The following CDKL5 variants were observed in gnomAD, a reference collection of about 807,000 sequenced individuals.
CDKL5 encodes cyclin-dependent kinase-like 5.
Under a neutral mutation model 61.7 loss-of-function variants are expected in CDKL5, and 8 were observed. The ratio of observed to expected loss-of-function variants is 0.13; its 90% confidence interval spans 0.08 to 0.23. The LOEUF is 0.23. Ranked by LOEUF, CDKL5 falls within the 10% of genes least tolerant of loss-of-function variation. CDKL5 has a pLI of 1.00. For missense variants in CDKL5, 440 were observed against 734.5 expected, an observed-to-expected ratio of 0.60 and a Z score of 4.63; for synonymous variants, 275 against 272.3, an observed-to-expected ratio of 1.01 and a Z score of -0.10.
At chrX:18,578,317 G>C (rs971000571) in intron 5 of CDKL5, among the ~76,000 whole-genome samples, 1 of 111,724 alleles carries the variant, frequency 9.0e-6, no homozygotes, top group Non-Finnish European at 1.9e-5. Flanking sequence ...TGTTTATATG[G>C]TATTTAATTA....
intron 15 of CDKL5, among the ~76,000 whole-genome samples, chrX:18,617,905 A>C (rs1332081674): frequency 8.9e-6 from 1 of 111,872 alleles, no homozygotes; most frequent in Non-Finnish European, 1.9e-5. Flanking sequence ...TCTTTGGCCC[A>C]TCTTCCCTGT....
At chrX:18,651,773 A>G (rs1404239074) in intron 21 of CDKL5, among the ~76,000 whole-genome samples, 1 of 111,812 alleles carries the variant, frequency 8.9e-6, no homozygotes, top group African/African-American at 3.3e-5. Context: ...AGAAAATGTG[A>G]CATTTCCCAC....
chrX:18,628,773 G>A lies in CDKL5; in HGVS notation c.*16G>A, dbSNP rs1458724571. On this transcript the variant is annotated 3_prime_UTR_variant, in exon 18 of 18. Coordinates refer to ENST00000623535, the MANE Select transcript of CDKL5 (RefSeq NM_001323289.2). ...AGCCTTGTAATTTGTGCTGGTAGGG[G>A]GGAGGGGTGGACAGACAAGCCAGTG... The A allele has an allele frequency of 1.8e-6, 2 of 1,104,553 alleles. No individual in the cohort carries two copies. Among genetic ancestry groups the A allele is most frequent in the African/African-American group, 3.7e-5 (2 of 53,894 alleles). 91.0% of individuals were successfully genotyped at this position (1,104,553 alleles called of 1,213,427 possible).
intron 1 of CDKL5, among the ~76,000 whole-genome samples, chrX:18,449,660 GT>G (rs111785524): frequency 8.9e-6 from 1 of 112,183 alleles, no homozygotes; most frequent in African/African-American, 3.2e-5. Flanking sequence ...TCTCCTTATT[GT>G]TTTTTTGTTG....
chrX:18,474,233 G>A (rs758454939), intron 1 of CDKL5, among the ~76,000 whole-genome samples: 1 of 111,440 alleles, frequency 9.0e-6, no homozygotes, highest in Non-Finnish European at 1.9e-5. Flanking sequence ...TACCTTGATA[G>A]CATTAGTCTA....
intron 14 of CDKL5, among the ~76,000 whole-genome samples, chrX:18,611,226 C>T (rs946156940): frequency 2.7e-5 from 3 of 110,222 alleles, no homozygotes; most frequent in Non-Finnish European, 5.7e-5. Context: ...GTCAGGAAAT[C>T]GAGACCATCC....
intron 1 of CDKL5, among the ~76,000 whole-genome samples, chrX:18,463,567 T>C (rs1347978527): frequency 1.8e-5 from 2 of 112,171 alleles, no homozygotes; most frequent in African/African-American, 6.5e-5. Context: ...GTTTGGAAAT[T>C]GGTGGATTTT....
At chrX:18,425,988 G>C (rs1487279857) in intron 1 of CDKL5, among the ~76,000 whole-genome samples, 2 of 111,627 alleles carry the variant, frequency 1.8e-5, no homozygotes, top group African/African-American at 3.2e-5. Flanking sequence ...GGCGGGTCGA[G>C]CCCGCCCCGC....
intron 15 of CDKL5, among the ~76,000 whole-genome samples, chrX:18,618,655 A>G (rs955822224): frequency 2.7e-5 from 3 of 112,471 alleles, no homozygotes; most frequent in Non-Finnish European, 5.6e-5. Context: ...TGTTTTTCGC[A>G]ACAATACAAC....
chrX:18,643,858 C>T (rs1927671024), downstream of CDKL5, among the ~76,000 whole-genome samples: 1 of 109,785 alleles, frequency 9.1e-6, no homozygotes, highest in African/African-American at 3.3e-5. Flanking sequence ...AGTCAGGAGT[C>T]TACTGCGTTT....
intron 20 of CDKL5, chrX:18,650,093 ATC>A (rs1927966006): frequency 5.9e-6 from 2 of 339,036 alleles, no homozygotes; most frequent in Non-Finnish European, 5.3e-6. Context: ...GCTCTTCTTC[ATC>A]TGTTTCCCCT....
intron 17 of CDKL5, among the ~76,000 whole-genome samples, chrX:18,628,096 A>C (rs1193967500): frequency 8.9e-6 from 1 of 111,975 alleles, no homozygotes; most frequent in Non-Finnish European, 1.9e-5. Flanking sequence ...CCCTGATTAG[A>C]GATAGGATGC....
intron 3 of CDKL5, among the ~76,000 whole-genome samples, chrX:18,530,139 G>A (rs1404335893): frequency 9.4e-6 from 1 of 106,481 alleles, no homozygotes; most frequent in East Asian, 2.9e-4. Context: ...CCATCCTGGC[G>A]AACGTGGTGA....
intron 19 of CDKL5, among the ~76,000 whole-genome samples, chrX:18,645,661 C>G (rs1927742430): frequency 1.8e-5 from 2 of 111,403 alleles, no homozygotes; most frequent in South Asian, 7.6e-4. Flanking sequence ...ACCTCAACTA[C>G]TCTCCCTGGA....
chrX:18,484,803 CG>C (rs1054865075), intron 1 of CDKL5, among the ~76,000 whole-genome samples: 1 of 104,087 alleles, frequency 9.6e-6, no homozygotes, highest in Non-Finnish European at 2.0e-5. Context: ...GGCTAGAATG[CG>C]GGGGTGGTGG....
At chrX:18,430,736 C>T (rs1172993993) in intron 1 of CDKL5, among the ~76,000 whole-genome samples, 2 of 111,586 alleles carry the variant, frequency 1.8e-5, no homozygotes, top group Non-Finnish European at 3.8e-5. Context: ...TGAGCCACTG[C>T]GCCCACCGCT....
rs977255187 is a variant in CDKL5, at chrX:18,649,982, C to T, written c.2798-428C>T. The T allele has an allele frequency of 2.6e-5, 5 of 192,322 alleles. 1 individual carries two copies. The highest frequency in any genetic ancestry group is 1.3e-4 in the Admixed American group (2 of 15,055). The allele number at this position is 192,322 out of a possible 1,213,427, so 15.8% of individuals were successfully genotyped here. On this transcript the variant is annotated intron_variant, in intron 20 of 21. Coordinates refer to the CDKL5 transcript ENST00000379989. ...CTTTTTGTTTTCCACCCCCACCCGC[C>T]GCCGCCGCCCCGCTCAGGGCTACTA...
intron 1 of CDKL5, chrX:18,497,315 C>T (rs762882598): frequency 9.0e-6 from 1 of 111,495 alleles, no homozygotes; most frequent in Non-Finnish European, 1.9e-5. Context: ...GGATGTCAGT[C>T]ATCTCTCACT....
At chrX:18,530,188 C>T (rs1017367074) in intron 3 of CDKL5, among the ~76,000 whole-genome samples, 9 of 107,713 alleles carry the variant, frequency 8.4e-5, no homozygotes, top group East Asian at 2.9e-4. Flanking sequence ...AAAAATTAGC[C>T]GGGCATGGTG....
Sources: gnomAD v4.1 joint callset for allele counts (sites outside exome capture counted in the v4.1 genomes callset) on GRCh38, gnomAD v4.1.1 for gene constraint, MANE v1.5 for transcripts, NCBI Gene and HGNC (gene_info 2026-07-23, HGNC 2026-07-21) for gene names.